THAP4: variants seen among roughly 807,000 people sequenced by gnomAD.
THAP4 encodes the protein peroxynitrite isomerase THAP4.
THAP4 carries 18 observed loss-of-function variants against 48.1 expected under a neutral mutation model. The observed-to-expected ratio is 0.37, with a 90% confidence interval of 0.26 to 0.56. THAP4 has a LOEUF of 0.56. Among genes scored for constraint, THAP4 ranks in the 20% least tolerant of loss-of-function variants. THAP4 has a pLI of 0.78. For missense variants in THAP4, 656 were observed against 774.9 expected (o/e 0.85, Z 1.82); for synonymous variants, 345 against 324.9 (o/e 1.06, Z -0.66).
In THAP4 at chr2:241,606,314, G is replaced by A; in HGVS notation, c.1400C>T (p.Ser467Leu). 3 of 1,551,522 alleles carry A rather than the reference G, an allele frequency of 1.9e-6. No homozygotes were observed. The highest frequency in any genetic ancestry group is 2.6e-6 in the Non-Finnish European group (3 of 1,146,200). ...SHVGQPMLNF[S>L]FNSFHPDTRK... Reference sequence around the variant, plus strand: ...GGTGGGGTGGAGGGAGACAACTTACGAGAAGTTCAGCATGGGCTGGCCCAC... The same window carrying A: ...GGTGGGGTGGAGGGAGACAACTTACAAGAAGTTCAGCATGGGCTGGCCCAC... Residue 467 changes from serine (S) to leucine (L), a missense_variant and splice_region_variant, in exon 3 of 6, where the codon TCG (serine) becomes TTG (leucine). Ser to Leu is a moderately radical substitution (Grantham distance 145). This residue lies in a region of THAP4 where 176 missense variants were observed against 256.7 expected (regional missense o/e 0.69). Coordinates refer to ENST00000407315, the MANE Select transcript of THAP4 (RefSeq NM_015963.6).
chr2:241,596,029 C>T (rs925269242), intron 5 of THAP4, among the ~76,000 whole-genome samples: 2 of 152,204 alleles, frequency 1.3e-5, no homozygotes, highest in Non-Finnish European at 2.9e-5. Flanking sequence ...GACTCTGCCC[C>T]GTGCCCTGCC....
intron 5 of THAP4, among the ~76,000 whole-genome samples, chr2:241,596,456 G>A (rs1390104013): frequency 2.4e-4 from 10 of 42,362 alleles, no homozygotes; most frequent in East Asian, 1.5e-3. Flanking sequence ...GCAGTGAGCC[G>A]AGATCATGCC....
At chr2:241,629,586 A>C (rs2067533444) in intron 2 of THAP4, among the ~76,000 whole-genome samples, 1 of 152,120 alleles carries the variant, frequency 6.6e-6, no homozygotes, top group Non-Finnish European at 1.5e-5. Context: ...ACTTATCAGT[A>C]ATCACAATTG....
chr2:241,593,634 G>C (rs552017207), intron 5 of THAP4, among the ~76,000 whole-genome samples: 3 of 152,342 alleles, frequency 2.0e-5, no homozygotes, highest in African/African-American at 7.2e-5. Context: ...CGTGGATGAA[G>C]GCTGAAAACA....
intron 2 of THAP4, among the ~76,000 whole-genome samples, chr2:241,624,152 G>A (rs868051366): frequency 1.6e-4 from 25 of 152,294 alleles, no homozygotes; most frequent in African/African-American, 5.5e-4. Context: ...CCCAGAAAAA[G>A]AGTTTATTTA....
At chr2:241,630,401 C>A (rs7583172) in intron 2 of THAP4, among the ~76,000 whole-genome samples, 49,728 of 151,920 alleles carry the variant, frequency 0.33, 8,444 homozygotes, top group South Asian at 0.46. Flanking sequence ...CTCAGAGACA[C>A]GAAGGGCTGG....
At chr2:241,611,149 G>A (rs903712909) in intron 2 of THAP4, among the ~76,000 whole-genome samples, 12 of 152,196 alleles carry the variant, frequency 7.9e-5, no homozygotes, top group Non-Finnish European at 1.6e-4. Flanking sequence ...AGGACAGGAG[G>A]GGCCTCTGGG....
intron 1 of THAP4, among the ~76,000 whole-genome samples, chr2:241,634,533 T>C (rs1216215686): frequency 6.6e-6 from 1 of 152,240 alleles, no homozygotes; most frequent in African/African-American, 2.4e-5. Flanking sequence ...AGGTCAGGAC[T>C]GCATGGAGGC....
intron 4 of THAP4, among the ~76,000 whole-genome samples, 191 bp downstream of exon 4, chr2:241,602,779 C>T (rs957377284): frequency 2.6e-5 from 4 of 152,204 alleles, no homozygotes; most frequent in African/African-American, 4.8e-5. Flanking sequence ...ACCTGTGTGC[C>T]GGAGGCCCCT....
In THAP4 at chr2:241,602,952, C is replaced by T. The variant is rs1360603806; in HGVS notation, c.1510+18G>A. 2.5e-6 allele frequency: 4 copies of T among 1,603,442 alleles called. No individual in the cohort carries two copies. The Admixed American group carries it at 5.0e-5, about 20-fold the overall frequency. On this transcript the variant is annotated intron_variant, in intron 4 of 5. Coordinates refer to ENST00000407315, the MANE Select transcript of THAP4 (RefSeq NM_015963.6). ...GCCTCCCATGGCCAGCCCTCCCGCCCCGCAAGCTGGGCCTCACCTGTGTTC... is the reference window on the plus strand; with the variant it reads ...GCCTCCCATGGCCAGCCCTCCCGCCTCGCAAGCTGGGCCTCACCTGTGTTC...
At chr2:241,626,441 CAAAACA>C (rs1035193297) in intron 2 of THAP4, among the ~76,000 whole-genome samples, 13 of 150,544 alleles carry the variant, frequency 8.6e-5, no homozygotes, top group African/African-American at 2.9e-4. Flanking sequence ...AACTACGTCT[CAAAACA>C]AAAACAAAAA....
chr2:241,599,167 G>A (rs1054909003), intron 5 of THAP4, among the ~76,000 whole-genome samples: 4 of 151,508 alleles, frequency 2.6e-5, no homozygotes, highest in Non-Finnish European at 5.9e-5. Context: ...CATGAGAATC[G>A]CTTGAACTCA....
At chr2:241,608,469 G>A (rs2067218049) in intron 2 of THAP4, among the ~76,000 whole-genome samples, 1 of 152,160 alleles carries the variant, frequency 6.6e-6, no homozygotes, top group Non-Finnish European at 1.5e-5. Context: ...GTGAGGATGG[G>A]AATATTTGGA....
At chr2:241,602,372 CT>C (rs1553556024) in intron 4 of THAP4, among the ~76,000 whole-genome samples, 5 of 139,090 alleles carry the variant, frequency 3.6e-5, no homozygotes, top group Non-Finnish European at 7.9e-5. Flanking sequence ...TTTTTTTTTT[CT>C]TTTTTTTTTG....
In THAP4 at chr2:241,632,961, C is replaced by T; in HGVS notation, c.1196G>A (p.Arg399Lys). Residue 399 changes from arginine to lysine, a missense_variant, in exon 2 of 6, where the codon AGA becomes AAA. Arg to Lys is a conservative substitution (Grantham distance 26, BLOSUM62 2). Around this residue, in one of 4 missense-constraint regions of THAP4, gnomAD observed 176 missense variants for 256.7 expected, o/e 0.69. Coordinates refer to ENST00000407315, the MANE Select transcript of THAP4 (RefSeq NM_015963.6). ...KLQEKLDELRRVSVPYPSSLL... is the reference protein window; with the variant it reads ...KLQEKLDELRKVSVPYPSSLL... ...GCTACTTGGATAGGGGACGCTCACT[C>T]TCCTCAGCTCATCCAGCTTCTCCTG... 1 of 1,612,866 alleles carries T rather than the reference C, an allele frequency of 6.2e-7. No homozygotes were observed. Among genetic ancestry groups the T allele is most frequent in the Non-Finnish European group, 8.5e-7 (1 of 1,179,484 alleles).
chr2:241,606,968 G>A (rs1037559820), intron 2 of THAP4, among the ~76,000 whole-genome samples: 11 of 151,864 alleles, frequency 7.2e-5, no homozygotes, highest in African/African-American at 2.2e-4. Flanking sequence ...GTGTGAAGGA[G>A]ACAAAGAGCA....
rs1575025821 is a variant in THAP4, at chr2:241,606,389, T to G, written c.1325A>C (p.Tyr442Ser). The G allele has an allele frequency of 6.3e-7, 1 of 1,597,252 alleles. No individual in the cohort carries two copies. Among genetic ancestry groups the G allele is most frequent in the Non-Finnish European group, 8.5e-7 (1 of 1,172,096 alleles). Residue 442 changes from tyrosine to serine, a missense_variant, in exon 3 of 6, where the codon TAC (tyrosine) becomes TCC (serine). Tyr to Ser is a moderately radical substitution (Grantham distance 144). This residue lies in a region of THAP4 where 176 missense variants were observed against 256.7 expected (regional missense o/e 0.69). Coordinates refer to ENST00000407315, the MANE Select transcript of THAP4 (RefSeq NM_015963.6). ...GTACTGGAAGGGCTGCAGTGTGGGG[T>G]AGGTCCCGGCTCCAGGTGGGTCCGA... ...WLSDPPGAGTYPTLQPFQYLE... is the reference protein window; with the variant it reads ...WLSDPPGAGTSPTLQPFQYLE...
chr2:241,619,417 A>G (rs2067383121), intron 2 of THAP4, among the ~76,000 whole-genome samples: 1 of 152,222 alleles, frequency 6.6e-6, no homozygotes, highest in Non-Finnish European at 1.5e-5. Flanking sequence ...CACAGAGTGC[A>G]CTTACCGCGT....
At chr2:241,609,264 G>A (rs1400902010) in intron 2 of THAP4, among the ~76,000 whole-genome samples, 1 of 152,204 alleles carries the variant, frequency 6.6e-6, no homozygotes, top group Non-Finnish European at 1.5e-5. Flanking sequence ...AAGAAAAGAT[G>A]GTAACGGAGG....
Sources: gnomAD v4.1 joint callset for allele counts (sites outside exome capture counted in the v4.1 genomes callset) on GRCh38, gnomAD v4.1.1 for gene constraint, gnomAD v4.1.1 regional missense constraint, MANE v1.5 for transcripts, NCBI Gene and HGNC (gene_info 2026-07-23, HGNC 2026-07-21) for gene names.